NAALADL2: variants seen among roughly 807,000 people sequenced by gnomAD.
NAALADL2 encodes N-acetylated alpha-linked acidic dipeptidase like 2.
A neutral mutation model predicts 87.2 loss-of-function variants in NAALADL2; 76 were observed. The ratio of observed to expected loss-of-function variants is 0.87; its 90% CI spans 0.72 to 1.05. The LOEUF is 1.05. Ranked by LOEUF, NAALADL2 falls within the 50% of genes least tolerant of loss-of-function variation. The pLI is 0.00. For missense variants in NAALADL2, 1,089 were observed against 945.8 expected (o/e 1.15, Z -1.99); for synonymous variants, 354 against 331.0 (o/e 1.07, Z -0.75).
intron 1 of NAALADL2, among the ~76,000 whole-genome samples, chr3:174,546,381 A>G (rs897732721): frequency 6.6e-6 from 1 of 152,160 alleles, no homozygotes; most frequent in Non-Finnish European, 1.5e-5. Context: ...GGAGGTGAGA[A>G]GAGGGACCAG....
At chr3:175,388,318 TAG>T (rs1768649088) in intron 5 of NAALADL2, among the ~76,000 whole-genome samples, 1 of 152,104 alleles carries the variant, frequency 6.6e-6, no homozygotes, top group Admixed American at 6.5e-5. Context: ...AAAACTTATA[TAG>T]AGTCTCAAAT....
chr3:175,293,308 G>A (rs1014338850), intron 4 of NAALADL2, among the ~76,000 whole-genome samples: 8 of 152,078 alleles, frequency 5.3e-5, no homozygotes, highest in Admixed American at 6.6e-5. Context: ...ACAGCTCTGA[G>A]CTTTAGTCAC....
intron 2 of NAALADL2, among the ~76,000 whole-genome samples, chr3:175,118,878 T>A (rs1725697640): frequency 6.6e-6 from 1 of 151,750 alleles, no homozygotes; most frequent in South Asian, 2.1e-4. Context: ...CTCAGATATC[T>A]GTTTTGCAAA....
intron 4 of NAALADL2, among the ~76,000 whole-genome samples, chr3:175,288,999 A>T (rs1444579413): frequency 6.6e-6 from 1 of 152,302 alleles, no homozygotes; most frequent in East Asian, 1.9e-4. Flanking sequence ...AAAACCTGGT[A>T]AAACTTGATC....
intron 11 of NAALADL2, among the ~76,000 whole-genome samples, chr3:175,684,553 G>T: frequency 6.6e-6 from 1 of 152,242 alleles, no homozygotes; most frequent in Non-Finnish European, 1.5e-5. Flanking sequence ...CCAGCATTTT[G>T]GGAGGCTGAA....
At chr3:175,741,874 G>A (rs1378036186) in intron 12 of NAALADL2, among the ~76,000 whole-genome samples, 4 of 152,118 alleles carry the variant, frequency 2.6e-5, no homozygotes, top group Non-Finnish European at 5.9e-5. Flanking sequence ...TTTTGCCAAC[G>A]TTAATGACGC....
chr3:174,512,074 A>G (rs574608157), intron 1 of NAALADL2, among the ~76,000 whole-genome samples: 1 of 151,370 alleles, frequency 6.6e-6, no homozygotes, highest in South Asian at 2.1e-4. Flanking sequence ...TGTCATTTTT[A>G]TAACTTTGTA....
chr3:175,367,192 G>A (rs1237785746), intron 5 of NAALADL2, among the ~76,000 whole-genome samples: 1 of 151,560 alleles, frequency 6.6e-6, no homozygotes, highest in East Asian at 1.9e-4. Context: ...TTATTTCTGA[G>A]GGCTCTATTC....
At chr3:175,641,123 A>C (rs971750795) in intron 11 of NAALADL2, among the ~76,000 whole-genome samples, 1 of 151,998 alleles carries the variant, frequency 6.6e-6, no homozygotes. Flanking sequence ...CTCTTACCTC[A>C]TGACTAGCTT....
chr3:174,577,862 A>G (rs1578212623), intron 2 of NAALADL2, among the ~76,000 whole-genome samples: 1 of 152,082 alleles, frequency 6.6e-6, no homozygotes, highest in East Asian at 1.9e-4. Flanking sequence ...CAGTGCTTTT[A>G]TTATAGAAGG....
intron 1 of NAALADL2, among the ~76,000 whole-genome samples, chr3:174,525,131 C>G (rs775816967): frequency 6.6e-6 from 1 of 152,160 alleles, no homozygotes; most frequent in Non-Finnish European, 1.5e-5. Context: ...CAGTGCATTT[C>G]TCAGAACATA....
intron 13 of NAALADL2, among the ~76,000 whole-genome samples, chr3:175,759,730 T>C (rs956787188): frequency 6.6e-6 from 1 of 152,104 alleles, no homozygotes; most frequent in Non-Finnish European, 1.5e-5. Context: ...TAAATTAAGG[T>C]GCATTTCCAG....
At chr3:175,667,200 AAAG>A (rs1733183982) in intron 11 of NAALADL2, among the ~76,000 whole-genome samples, 1 of 114,566 alleles carries the variant, frequency 8.7e-6, no homozygotes, top group Non-Finnish European at 1.6e-5. Flanking sequence ...AGAAAGAAAG[AAAG>A]AAAGAAAGAA....
chr3:175,124,173 A>C (rs1055413308), intron 2 of NAALADL2, among the ~76,000 whole-genome samples: 4 of 151,960 alleles, frequency 2.6e-5, no homozygotes, highest in African/African-American at 9.7e-5. Context: ...GAGAATACTG[A>C]AGCTATTTGG....
rs140286904 is a variant in NAALADL2 at position 175,527,848 on chromosome 3, T to C, written c.1654-48193T>C. On this transcript the variant is annotated intron_variant, in intron 9 of 13. Coordinates refer to ENST00000454872, the MANE Select transcript of NAALADL2 (RefSeq NM_207015.3). ...TACACATTGCCATACATTTGAAAAA[T>C]AGTTATACACAGGTTATACATTGAC... is the stretch of plus-strand genomic sequence containing the variant. 6.5e-3 allele frequency among the ~76,000 whole-genome samples: 984 copies of C among 152,238 alleles called. 9 individuals are homozygous for C. Among genetic ancestry groups the C allele is most frequent in the African/African-American group, 0.023 (938 of 41,548 alleles).
intron 2 of NAALADL2, among the ~76,000 whole-genome samples, chr3:175,224,749 A>G (rs1414120677): frequency 1.3e-5 from 2 of 152,174 alleles, no homozygotes; most frequent in Non-Finnish European, 1.5e-5. Context: ...TTCTTTCTTC[A>G]TGTATACAAT....
At chr3:174,965,671 G>A (rs1346266243) in intron 1 of NAALADL2, among the ~76,000 whole-genome samples, 1 of 152,060 alleles carries the variant, frequency 6.6e-6, no homozygotes, top group African/African-American at 2.4e-5. Context: ...AAGAGGACAT[G>A]GAGGTCCTCA....
At chr3:174,815,830 GTT>G (rs10589968) in intron 3 of NAALADL2, among the ~76,000 whole-genome samples, 43,658 of 115,370 alleles carry the variant, frequency 0.38, 7,343 homozygotes, top group East Asian at 0.54. Flanking sequence ...TTTGACTTTA[GTT>G]TTTTTTTTTT....
intron 1 of NAALADL2, among the ~76,000 whole-genome samples, chr3:175,044,242 T>A (rs1232421112): frequency 2.0e-5 from 3 of 152,164 alleles, no homozygotes; most frequent in Non-Finnish European, 4.4e-5. Context: ...TTTTGTATAT[T>A]TTTGTAGATG....
Sources: allele counts gnomAD v4.1 joint callset (sites outside exome capture counted in the v4.1 genomes callset), GRCh38; gene constraint gnomAD v4.1.1; transcripts MANE v1.5; gene names NCBI Gene and HGNC (gene_info 2026-07-23, HGNC 2026-07-21).